EYS: variants seen among roughly 807,000 people sequenced by gnomAD.
The protein encoded by EYS is protein eyes shut homolog.
In EYS, 250 loss-of-function variants were observed where a neutral mutation model predicts 282.1. The ratio of observed to expected loss-of-function variants is 0.89; its 90% CI spans 0.80 to 0.98. EYS has a LOEUF of 0.98. Among genes scored for constraint, EYS ranks in the 50% least tolerant of loss-of-function variants. EYS has a pLI of 0.00. For missense variants in EYS, 4,016 were observed against 3,709.0 expected (o/e 1.08, Z -2.15); for synonymous variants, 1,355 against 1,282.9 (o/e 1.06, Z -1.20).
At chr6:64,159,726 T>G (rs1480593105) in intron 31 of EYS, among the ~76,000 whole-genome samples, 1 of 152,128 alleles carries the variant, frequency 6.6e-6, no homozygotes, top group Non-Finnish European at 1.5e-5. Flanking sequence ...TACATATTTT[T>G]TTTCCGTTTA....
chr6:64,577,725 C>A (rs932752720), intron 26 of EYS, among the ~76,000 whole-genome samples: 1 of 152,056 alleles, frequency 6.6e-6, no homozygotes, highest in African/African-American at 2.4e-5. Context: ...ATCAGAGGTT[C>A]TTTCTGTGCC....
At chr6:64,242,168 T>C (rs1011121682) in intron 30 of EYS, among the ~76,000 whole-genome samples, 2 of 152,164 alleles carry the variant, frequency 1.3e-5, no homozygotes, top group Non-Finnish European at 2.9e-5. Context: ...GTTCTGTAGA[T>C]GTCTATTAGG....
intron 19 of EYS, among the ~76,000 whole-genome samples, chr6:64,859,825 A>G (rs752323388): frequency 6.6e-6 from 1 of 152,216 alleles, no homozygotes; most frequent in Non-Finnish European, 1.5e-5. Flanking sequence ...ATTGATAGAA[A>G]TAATTAATAT....
chr6:65,286,054 T>C (rs1217832933), intron 12 of EYS, among the ~76,000 whole-genome samples: 2 of 151,898 alleles, frequency 1.3e-5, no homozygotes, highest in African/African-American at 4.8e-5. Context: ...TTCCATACTA[T>C]GCCTTAAAAA....
chr6:63,726,499 A>C lies in EYS; in HGVS notation c.8233+20T>G. The C allele has an allele frequency of 6.5e-7, 1 of 1,542,508 alleles. No homozygotes were observed. The highest frequency in any genetic ancestry group is 8.8e-7 in the Non-Finnish European group (1 of 1,142,768). ...ACTATTAGGAATTCATTCTGCAAAC[A>C]AACAGCCTGCCAATCTTACCTGATT... On this transcript the variant is annotated intron_variant, in intron 42 of 42. Transcript: ENST00000503581.
chr6:64,852,266 G>T (rs998890547), intron 19 of EYS, among the ~76,000 whole-genome samples: 1 of 152,088 alleles, frequency 6.6e-6, no homozygotes, highest in Non-Finnish European at 1.5e-5. Flanking sequence ...GGGAAAAGCA[G>T]ACCCACCCTT....
At chr6:64,923,122 G>A (rs1003673156) in intron 15 of EYS, among the ~76,000 whole-genome samples, 3 of 151,712 alleles carry the variant, frequency 2.0e-5, no homozygotes, top group East Asian at 1.9e-4. Flanking sequence ...CTGTTTTCAC[G>A]CTGCTGATAA....
intron 18 of EYS, among the ~76,000 whole-genome samples, chr6:64,894,351 C>G (rs563026378): frequency 6.6e-6 from 1 of 152,118 alleles, no homozygotes; most frequent in South Asian, 2.1e-4. Flanking sequence ...GCAAAATGAG[C>G]AAATAAACAT....
intron 35 of EYS, among the ~76,000 whole-genome samples, chr6:63,919,882 A>T (rs766555456): frequency 6.6e-6 from 1 of 152,260 alleles, no homozygotes; most frequent in Non-Finnish European, 1.5e-5. Flanking sequence ...CGACTGCCAC[A>T]TTCCCATGAA....
intron 29 of EYS, among the ~76,000 whole-genome samples, chr6:64,370,598 C>T (rs1249712613): frequency 1.3e-5 from 2 of 152,054 alleles, no homozygotes; most frequent in African/African-American, 4.8e-5. Context: ...ATTAATAGTA[C>T]CAGCTCTTCC....
At chr6:65,443,361 T>C (rs368827634) in intron 5 of EYS, among the ~76,000 whole-genome samples, 3 of 102,034 alleles carry the variant, frequency 2.9e-5, no homozygotes, top group Non-Finnish European at 5.0e-5. Context: ...CATATATGCA[T>C]ACATGTATGT....
At chr6:64,669,607 G>T (rs1294142303) in intron 22 of EYS, among the ~76,000 whole-genome samples, 1 of 152,164 alleles carries the variant, frequency 6.6e-6, no homozygotes, top group Non-Finnish European at 1.5e-5. Flanking sequence ...ATTTTTATTT[G>T]TGCAATGGAC....
intron 14 of EYS, among the ~76,000 whole-genome samples, chr6:64,986,356 T>A (rs1453834414): frequency 6.6e-6 from 1 of 151,524 alleles, no homozygotes; most frequent in Admixed American, 6.6e-5. Context: ...AATTCCTATG[T>A]CAATTTATTG....
rs540654843 is a variant in EYS at position 65,430,565 on chromosome 6, T to G, written c.863-25198A>C. Among the ~76,000 whole-genome samples, 4 of 152,254 alleles carry G rather than the reference T, an allele frequency of 2.6e-5. No individual in the cohort carries two copies. In the East Asian group the frequency reaches 7.8e-4, roughly 30 times the overall value. Reference sequence around the variant, plus strand: ...GAACGTGACATACAAAGACACCAGCTGGGGCAGCTAAGGGAATGCTGGCAT... The same window carrying G: ...GAACGTGACATACAAAGACACCAGCGGGGGCAGCTAAGGGAATGCTGGCAT... On this transcript the variant is annotated intron_variant, in intron 5 of 42. Coordinates refer to ENST00000503581, the MANE Select transcript of EYS (RefSeq NM_001142800.2).
At chr6:64,169,173 T>C (rs916730297) in intron 31 of EYS, among the ~76,000 whole-genome samples, 1 of 152,166 alleles carries the variant, frequency 6.6e-6, no homozygotes, top group Non-Finnish European at 1.5e-5. Context: ...ACTATAGAGG[T>C]GTTACTCAGT....
chr6:64,550,186 G>A (rs190524626), intron 26 of EYS, among the ~76,000 whole-genome samples: 28 of 152,188 alleles, frequency 1.8e-4, no homozygotes, highest in East Asian at 1.4e-3. Context: ...GAATAGTGGC[G>A]CAATAAACAT....
chr6:65,091,446 T>C (rs1253218146), intron 12 of EYS, among the ~76,000 whole-genome samples: 2 of 96,570 alleles, frequency 2.1e-5, no homozygotes, highest in African/African-American at 4.3e-5. Context: ...CGAGACTACA[T>C]CTCAAGAAAT....
At chr6:65,148,377 C>G (rs1764529784) in intron 12 of EYS, among the ~76,000 whole-genome samples, 1 of 152,110 alleles carries the variant, frequency 6.6e-6, no homozygotes, top group Non-Finnish European at 1.5e-5. Flanking sequence ...ATTCTGAAAT[C>G]CAATAGAACA....
At chr6:64,978,329 C>T in intron 14 of EYS, among the ~76,000 whole-genome samples, 1 of 151,888 alleles carries the variant, frequency 6.6e-6, no homozygotes, top group Non-Finnish European at 1.5e-5. Context: ...AAAACAAAGC[C>T]TGGATAACAG....
Sources: allele counts gnomAD v4.1 joint callset (sites outside exome capture counted in the v4.1 genomes callset), GRCh38; gene constraint gnomAD v4.1.1; transcripts MANE v1.5; gene names NCBI Gene and HGNC (gene_info 2026-07-23, HGNC 2026-07-21).